CEP192: variants seen among roughly 807,000 people sequenced by gnomAD.
The protein encoded by CEP192 is centrosomal protein of 192 kDa.
In CEP192, 151 loss-of-function variants were observed where a neutral mutation model predicts 271.8. The observed-to-expected ratio is 0.56, with a 90% CI of 0.49 to 0.64. The LOEUF (loss-of-function observed/expected upper bound fraction) is 0.64. CEP192 is among the 30% of genes least tolerant of loss of function. CEP192 has a pLI of 0.00. For synonymous variants in CEP192, 995 were observed against 1,076.5 expected (o/e 0.92, Z 1.48); for missense variants, 2,910 against 3,020.5 (o/e 0.96, Z 0.86).
intron 5 of CEP192, among the ~76,000 whole-genome samples, chr18:13,013,623 G>C (rs1271389556): frequency 6.6e-6 from 1 of 152,176 alleles, no homozygotes; most frequent in Non-Finnish European, 1.5e-5. Flanking sequence ...GCGTGAGTGT[G>C]TATACATGCG....
chr18:12,993,347 C>T (rs961517560), intron 1 of CEP192, among the ~76,000 whole-genome samples: 2 of 152,160 alleles, frequency 1.3e-5, no homozygotes, highest in South Asian at 2.1e-4. Flanking sequence ...GAAGTATGGT[C>T]GTTCCCTCAG....
intron 28 of CEP192, among the ~76,000 whole-genome samples, 172 bp from the exon 29 acceptor site, chr18:13,072,583 A>T (rs111281581): frequency 6.6e-6 from 1 of 152,234 alleles, no homozygotes; most frequent in Admixed American, 6.5e-5. Flanking sequence ...TGAGCCTACA[A>T]TTTCAGAAAC....
At chr18:13,079,995 A>G (rs2038502854) in intron 30 of CEP192, among the ~76,000 whole-genome samples, 1 of 151,994 alleles carries the variant, frequency 6.6e-6, no homozygotes, top group Non-Finnish European at 1.5e-5. Context: ...ACTGGTCTGT[A>G]TATCTGTTTT....
chr18:13,059,153 GAT>G lies in CEP192; in HGVS notation c.4331_4332del (p.Ile1444LysfsTer28). On this transcript the variant is annotated frameshift_variant, in exon 21 of 45. Transcript: ENST00000506447. LOFTEE classifies it high-confidence loss of function. ...AIIRPHATEE[I>X]KVLFIPSSPG... is the part of the protein sequence containing the mutation. ...TCATAAGACCTCATGCCACAGAAGA[GAT>G]AAAAGTGCTTTTTATACCATCCAGT... 1 of 1,613,932 alleles carries G rather than the reference GAT, an allele frequency of 6.2e-7. No individual in the cohort carries two copies. Among genetic ancestry groups the G allele is most frequent in the Non-Finnish European group, 8.5e-7 (1 of 1,179,860 alleles).
chr18:12,997,235 C>A (rs1452311683), intron 1 of CEP192, among the ~76,000 whole-genome samples: 4 of 151,782 alleles, frequency 2.6e-5, no homozygotes, highest in African/African-American at 9.7e-5. Context: ...GGAATCAGAC[C>A]GAGGGGTTGA....
chr18:13,121,564 A>G (rs184962751), intron 44 of CEP192, among the ~76,000 whole-genome samples: 5 of 152,372 alleles, frequency 3.3e-5, no homozygotes, highest in African/African-American at 1.2e-4. Flanking sequence ...GGAAAAGGAA[A>G]CATTACTAAC....
At position 13,049,129 on chromosome 18, in the gene CEP192, G is replaced by A; in HGVS notation, c.2338G>A (p.Asp780Asn). The A allele has an allele frequency of 6.2e-7, 1 of 1,613,964 alleles. No individual in the cohort carries two copies. The highest frequency in any genetic ancestry group is 8.5e-7 in the Non-Finnish European group (1 of 1,179,970). Residue 780 changes from aspartate to asparagine, a missense_variant, in exon 16 of 45, where the codon GAT becomes AAT. Physicochemically the swap from Asp to Asn is conservative, Grantham distance 23 (BLOSUM62 1). Transcript: ENST00000506447. ...AAAAAGTAATGGATCCAATGCACTT[G>A]ATATGGAGAAATACCTTAAAAAAAC... ...LEKSNGSNAL[D>N]MEKYLKKTEV...
rs1442996889 is a variant in CEP192 at position 13,050,176 on chromosome 18, G to A, written c.3017+285G>A. Reference sequence around the variant, plus strand: ...ACTTGATACTTCTGGTGAAGACTTTGTATCTTAACTGTTTTGCTATATAAA... The same window carrying A: ...ACTTGATACTTCTGGTGAAGACTTTATATCTTAACTGTTTTGCTATATAAA... On this transcript the variant is annotated intron_variant, in intron 17 of 44. Transcript: ENST00000506447. Among the ~76,000 whole-genome samples the A allele has an allele frequency of 3.3e-5, 5 of 152,096 alleles. No individual in the cohort carries two copies. In the South Asian group the frequency reaches 8.3e-4, roughly 25 times the overall value.
intron 21 of CEP192, among the ~76,000 whole-genome samples, chr18:13,060,814 C>T (rs953541377): frequency 3.3e-5 from 5 of 151,906 alleles, no homozygotes; most frequent in Non-Finnish European, 7.4e-5. Context: ...ATCCCAACTA[C>T]TCAAGAAGCT....
At chr18:13,013,789 C>T (rs1264668237) in intron 5 of CEP192, among the ~76,000 whole-genome samples, 2 of 152,180 alleles carry the variant, frequency 1.3e-5, no homozygotes, top group Non-Finnish European at 2.9e-5. Context: ...ATGAGACTTA[C>T]TTACAAAATA....
chr18:13,063,100 T>A (rs2037498119), intron 21 of CEP192, among the ~76,000 whole-genome samples: 1 of 152,250 alleles, frequency 6.6e-6, no homozygotes, highest in Non-Finnish European at 1.5e-5. Context: ...TGTGTATATG[T>A]ACCACGTTTT....
At chr18:13,037,163 C>A in intron 11 of CEP192, 74 bp from the exon 12 acceptor site, 1 of 687,802 alleles carries the variant, frequency 1.5e-6, no homozygotes, top group Non-Finnish European at 2.6e-6. Context: ...ATTTCATTTT[C>A]CTAACTTGTA....
At chr18:13,107,988 T>TA (rs2040035794) in intron 40 of CEP192, among the ~76,000 whole-genome samples, 1 of 147,250 alleles carries the variant, frequency 6.8e-6, no homozygotes, top group Non-Finnish European at 1.5e-5. Flanking sequence ...AACCCAGAAA[T>TA]AAAGCCACAA....
At position 13,053,000 on chromosome 18, in the gene CEP192, G is replaced by T. The variant is rs371053736; in HGVS notation, c.3099G>T (p.Ser1033=). The T allele has an allele frequency of 1.9e-6, 3 of 1,613,888 alleles. No homozygotes were observed. Among genetic ancestry groups the T allele is most frequent in the Non-Finnish European group, 2.5e-6 (3 of 1,179,844 alleles). ...CEQELSPLVC[S]PAGVSRLTYV... is the part of the protein sequence containing the mutation. The stretch of plus-strand genomic sequence containing the variant: ...AGGAGTTGTCTCCCTTGGTGTGCTC[G>T]CCTGCTGGGGTGAGCAGGCTGACGT... Residue 1033 remains serine, a synonymous_variant, in exon 18 of 45, where the codon TCG becomes TCT. Transcript: ENST00000506447.
In CEP192 at chr18:13,105,151, A is replaced by C. The variant is rs1025452927; in HGVS notation, c.7047+72A>C. Reference sequence around the variant, plus strand: ...AGGAGTGCCTCATTGGATTCCACCCATTTAGCTTGTTTCACCTGGAGCAGT... The same window carrying C: ...AGGAGTGCCTCATTGGATTCCACCCCTTTAGCTTGTTTCACCTGGAGCAGT... On this transcript the variant is annotated intron_variant, in intron 40 of 44. Transcript: ENST00000506447. 141 of 1,055,274 alleles carry C rather than the reference A, an allele frequency of 1.3e-4. 1 individual carries two copies. The Admixed American group carries it at 2.4e-3, about 18-fold the overall frequency. 65.4% of individuals were successfully genotyped at this position (1,055,274 alleles called of 1,614,324 possible). A position where few individuals can be genotyped will look rare whatever the true frequency, so the allele number is the denominator to read the frequency against.
chr18:13,124,938 A>G lies in CEP192; in HGVS notation c.*168A>G. ...TGAAGACTCGACTGAAATATTATGT[A>G]TCTAGCCCATAGTATTGTACTTAAC... On this transcript the variant is annotated 3_prime_UTR_variant, in exon 45 of 45. Transcript: ENST00000506447. 1 of 557,840 alleles carries G rather than the reference A, an allele frequency of 1.8e-6. No homozygotes were observed. Among genetic ancestry groups the G allele is most frequent in the Non-Finnish European group, 3.2e-6 (1 of 316,458 alleles). The allele number at this position is 557,840 out of a possible 1,614,324, so 34.6% of individuals were successfully genotyped here.
At chr18:13,014,068 A>G (rs2034509692) in intron 5 of CEP192, among the ~76,000 whole-genome samples, 1 of 152,168 alleles carries the variant, frequency 6.6e-6, no homozygotes, top group Admixed American at 6.6e-5. Context: ...TGTGACAGAG[A>G]TTGTACTGCT....
Position 13,029,987 on chromosome 18 carries a change from G to A in CEP192, c.1375G>A (p.Glu459Lys), listed in dbSNP as rs116020861. Residue 459 changes from glutamate (E) to lysine (K), a missense_variant, in exon 10 of 45, where the codon GAA becomes AAA. By Grantham distance (56) the Glu-to-Lys change is moderately conservative. Transcript: ENST00000506447. ...AACATGTGAATGTCACGAGTCCATC[G>A]AAAAGAATAAAGACAGTAAGTGGAC... ...RRTCECHESI[E>K]KNKDKTDLPQ... is the part of the protein sequence containing the mutation. 17,266 of 1,548,562 alleles carry A rather than the reference G, an allele frequency of 0.011. 138 individuals carry two copies. Among genetic ancestry groups the A allele is most frequent in the South Asian group, 0.018 (1,528 of 83,920 alleles).
Position 13,030,549 on chromosome 18 carries a change from G to A in CEP192, c.1475G>A (p.Ser492Asn). 2 of 1,612,504 alleles carry A rather than the reference G, an allele frequency of 1.2e-6. No homozygotes were observed. The highest frequency in any genetic ancestry group is 1.7e-6 in the Non-Finnish European group (2 of 1,178,868). The change falls in exon 11 of 45, where the codon AGC (serine) becomes AAC (asparagine). Residue 492 changes from serine (S) to asparagine (N), a missense_variant. Transcript: ENST00000506447. ...TDLAYYTSFN[S>N]KQNLNVSLSD... ...CTTGCCTATTACACATCTTTTAATAGCAAACAAAATTTAAATGTGTCTCTA... is the reference window on the plus strand; with the variant it reads ...CTTGCCTATTACACATCTTTTAATAACAAACAAAATTTAAATGTGTCTCTA...
Sources: allele counts gnomAD v4.1 joint callset (sites outside exome capture counted in the v4.1 genomes callset), GRCh38; gene constraint gnomAD v4.1.1; transcripts MANE v1.5; gene names NCBI Gene and HGNC (gene_info 2026-07-23, HGNC 2026-07-21).